Variants in CDC73 observed in about 807,000 individuals in gnomAD.
CDC73 encodes cell division cycle 73, also known as parafibromin.
A neutral mutation model predicts 83.7 loss-of-function variants in CDC73; 21 were observed. The ratio of observed to expected loss-of-function variants is 0.25; its 90% CI spans 0.18 to 0.36. The LOEUF (loss-of-function observed/expected upper bound fraction) is 0.36, where lower values mean the gene tolerates loss of function less well. Among genes scored for constraint, CDC73 ranks in the 10% least tolerant of loss-of-function variants. CDC73 has a pLI of 1.00. For missense variants in CDC73, 342 were observed against 653.3 expected (o/e 0.52, Z 5.19); for synonymous variants, 224 against 212.9 (o/e 1.05, Z -0.45).
At chr1:193,226,376 T>G (rs939111538) in intron 13 of CDC73, among the ~76,000 whole-genome samples, 4 of 151,916 alleles carry the variant, frequency 2.6e-5, no homozygotes, top group Non-Finnish European at 5.9e-5. Flanking sequence ...ATGAAGAGAG[T>G]GGATATCTTT....
chr1:193,145,921 C>A (rs1675992323), intron 7 of CDC73, among the ~76,000 whole-genome samples: 1 of 152,132 alleles, frequency 6.6e-6, no homozygotes, highest in South Asian at 2.1e-4. Context: ...TACTCTTCAG[C>A]AGAAGTCAAT....
intron 11 of CDC73, among the ~76,000 whole-genome samples, chr1:193,204,873 A>AT (rs1226412061): frequency 6.6e-6 from 1 of 152,118 alleles, no homozygotes; most frequent in Non-Finnish European, 1.5e-5. Context: ...ACAGATGTGA[A>AT]TTTTTTTCCT....
At chr1:193,248,935 A>G (rs1677997622) in intron 15 of CDC73, among the ~76,000 whole-genome samples, 1 of 152,100 alleles carries the variant, frequency 6.6e-6, no homozygotes, top group Admixed American at 6.6e-5. Flanking sequence ...TGAAATGACA[A>G]CAAAGGATTT....
chr1:193,192,543 T>A (rs1676936800), intron 10 of CDC73, among the ~76,000 whole-genome samples: 1 of 152,204 alleles, frequency 6.6e-6, no homozygotes, highest in Non-Finnish European at 1.5e-5. Flanking sequence ...TGAACATGCT[T>A]GATTCATGTA....
At chr1:193,136,706 T>C (rs941153313) in intron 5 of CDC73, 1 of 163,186 alleles carries the variant, frequency 6.1e-6, no homozygotes, top group African/African-American at 2.4e-5. Flanking sequence ...TTTCCCCTTA[T>C]ATGAAAGGAG....
At chr1:193,192,622 A>G (rs1425219769) in intron 10 of CDC73, among the ~76,000 whole-genome samples, 1 of 152,182 alleles carries the variant, frequency 6.6e-6, no homozygotes, top group Non-Finnish European at 1.5e-5. Flanking sequence ...AACTTTGCGA[A>G]GTGCCGGGGT....
intron 13 of CDC73, among the ~76,000 whole-genome samples, chr1:193,220,444 G>C (rs74952240): frequency 6.6e-6 from 1 of 151,874 alleles, no homozygotes; most frequent in Admixed American, 6.6e-5. Context: ...CACTGTGCCT[G>C]GCCTAATGAT....
intron 10 of CDC73, chr1:193,181,385 C>T: frequency 6.2e-7 from 1 of 1,614,032 alleles, no homozygotes. Flanking sequence ...GTGTATGTCA[C>T]AGGGTTTTCT....
At chr1:193,202,608 G>A (rs1378841243) in intron 10 of CDC73, among the ~76,000 whole-genome samples, 2 of 140,444 alleles carry the variant, frequency 1.4e-5, no homozygotes, top group African/African-American at 2.6e-5. Flanking sequence ...GCTGTCCTCA[G>A]GTGTCTTTTT....
At chr1:193,192,894 C>T (rs985186228) in intron 10 of CDC73, among the ~76,000 whole-genome samples, 1 of 152,228 alleles carries the variant, frequency 6.6e-6, no homozygotes, top group Non-Finnish European at 1.5e-5. Context: ...CATGTGTAAA[C>T]AAGCTCTTTA....
At chr1:193,143,974 G>A (rs971873701) in intron 7 of CDC73, among the ~76,000 whole-genome samples, 2 of 151,920 alleles carry the variant, frequency 1.3e-5, no homozygotes, top group African/African-American at 4.8e-5. Flanking sequence ...GTGGGGCATG[G>A]TGGCATGCGC....
Position 193,245,154 on chromosome 1 carries a change from A to G in CDC73, c.1418-4576A>G, listed in dbSNP as rs146436785. Among the ~76,000 whole-genome samples the G allele has an allele frequency of 3.4e-3, 511 of 152,314 alleles. 1 individual carries two copies. Among genetic ancestry groups the G allele is most frequent in the Non-Finnish European group, 5.1e-3 (344 of 68,010 alleles). On this transcript the variant is annotated intron_variant, in intron 15 of 16. Coordinates refer to ENST00000367435, the MANE Select transcript of CDC73 (RefSeq NM_024529.5). ...ATCATTCTTTGTTTTGGGAATAGTCAGTTTCCTCCTTCTAGCTATTTGAAA... is the reference window on the plus strand; with the variant it reads ...ATCATTCTTTGTTTTGGGAATAGTCGGTTTCCTCCTTCTAGCTATTTGAAA...
At position 193,204,253 on chromosome 1, in the gene CDC73, ATGTGTG is replaced by A. The variant is rs370382322; in HGVS notation, c.1030+421_1030+426del. 1.1e-4 allele frequency among the ~76,000 whole-genome samples: 13 copies of A among 123,800 alleles called. No individual in the cohort carries two copies. The East Asian group carries it at 1.3e-3, about 13-fold the overall frequency. The allele number at this position is 123,800 out of a possible 152,430, so 81.2% of individuals were successfully genotyped here. A position where few individuals can be genotyped will look rare whatever the true frequency, so the allele number is the denominator to read the frequency against. On this transcript the variant is annotated intron_variant, in intron 11 of 16. Transcript: ENST00000367435. ...TATATATACACGTATATATATGTGT[ATGTGTG>A]TGTGTGTGTGTGTGTGTGTATATAT...
chr1:193,190,720 T>C (rs1368700970), intron 10 of CDC73, among the ~76,000 whole-genome samples: 1 of 152,238 alleles, frequency 6.6e-6, no homozygotes, highest in Admixed American at 6.5e-5. Context: ...CTATTAACAA[T>C]GAGCATTTAC....
At chr1:193,238,006 G>A (rs1677792446) in intron 15 of CDC73, among the ~76,000 whole-genome samples, 1 of 152,110 alleles carries the variant, frequency 6.6e-6, no homozygotes, top group Non-Finnish European at 1.5e-5. Context: ...TTACCTACTT[G>A]CTTGCCTTGT....
chr1:193,192,635 G>T (rs545865534), intron 10 of CDC73, among the ~76,000 whole-genome samples: 1 of 152,288 alleles, frequency 6.6e-6, no homozygotes, highest in East Asian at 1.9e-4. Context: ...GCCGGGGTCT[G>T]ACCTACAGAA....
chr1:193,253,079 A>C lies in CDC73; in HGVS notation c.*2367A>C, dbSNP rs1678069636. ...CCCTTGTATGCCCAACCTGTAAAGG[A>C]AAAAGTTCTATTTCTATATTTATAG... On this transcript the variant is annotated 3_prime_UTR_variant, in exon 17 of 17. Coordinates refer to ENST00000367435, the MANE Select transcript of CDC73 (RefSeq NM_024529.5). 4.3e-6 allele frequency: 1 copy of C among 232,248 alleles called. No individual in the cohort carries two copies. Among genetic ancestry groups the C allele is most frequent in the African/African-American group, 2.2e-5 (1 of 45,306 alleles). 14.4% of individuals were successfully genotyped at this position (232,248 alleles called of 1,614,324 possible). A position where few individuals can be genotyped will look rare whatever the true frequency, so the allele number is the denominator to read the frequency against.
intron 13 of CDC73, among the ~76,000 whole-genome samples, chr1:193,214,118 T>C (rs1049849985): frequency 6.6e-6 from 1 of 152,212 alleles, no homozygotes; most frequent in African/African-American, 2.4e-5. Flanking sequence ...CCCTATGTAG[T>C]TGGTAAAAGC....
intron 7 of CDC73, among the ~76,000 whole-genome samples, chr1:193,142,729 C>T (rs966472136): frequency 3.3e-5 from 5 of 151,816 alleles, no homozygotes; most frequent in Admixed American, 1.3e-4. Flanking sequence ...TTGTTGTACA[C>T]GTACCTTTGT....
Sources: allele counts gnomAD v4.1 joint callset (sites outside exome capture counted in the v4.1 genomes callset), GRCh38; gene constraint gnomAD v4.1.1; transcripts MANE v1.5; gene names NCBI Gene and HGNC (gene_info 2026-07-23, HGNC 2026-07-21).